The following DBF4 variants were observed in gnomAD, a reference collection of about 807,000 sequenced individuals.
DBF4 encodes the protein protein DBF4 homolog A.
DBF4 carries 25 observed loss-of-function variants against 76.6 expected under a neutral mutation model. The observed-to-expected ratio is 0.33, with a 90% confidence interval of 0.24 to 0.46. DBF4 has a LOEUF of 0.46. Among genes scored for constraint, DBF4 ranks in the 20% least tolerant of loss-of-function variants. DBF4 has a pLI of 1.00. For missense variants in DBF4, 638 were observed against 760.8 expected, an observed-to-expected ratio of 0.84 and a Z score of 1.90; for synonymous variants, 213 against 258.0, an observed-to-expected ratio of 0.83 and a Z score of 1.67.
At chr7:87,886,132 A>G (rs376327711) in intron 3 of DBF4, among the ~76,000 whole-genome samples, 1 of 152,222 alleles carries the variant, frequency 6.6e-6, no homozygotes, top group Non-Finnish European at 1.5e-5. Context: ...AGGACCATGC[A>G]TTCTCTGAGT....
intron 6 of DBF4, among the ~76,000 whole-genome samples, chr7:87,888,657 A>G (rs1839418372): frequency 6.6e-6 from 1 of 152,140 alleles, no homozygotes; most frequent in Non-Finnish European, 1.5e-5. Context: ...CTACCTACCT[A>G]TTATCTAATC....
intron 3 of DBF4, among the ~76,000 whole-genome samples, chr7:87,885,898 G>A (rs1261915949): frequency 6.6e-6 from 1 of 152,212 alleles, no homozygotes; most frequent in Admixed American, 6.5e-5. Flanking sequence ...TTAATTGGGT[G>A]TGAGGTGGGA....
intron 6 of DBF4, among the ~76,000 whole-genome samples, chr7:87,891,806 C>T (rs893209885): frequency 1.3e-5 from 2 of 151,850 alleles, no homozygotes; most frequent in African/African-American, 4.8e-5. Flanking sequence ...TTTCTTCTGC[C>T]TATTTTGGGT....
chr7:87,898,352 G>A (rs1839690632), intron 8 of DBF4, among the ~76,000 whole-genome samples: 1 of 152,126 alleles, frequency 6.6e-6, no homozygotes, highest in Non-Finnish European at 1.5e-5. Flanking sequence ...ATATTGTTAA[G>A]ATGTTAATAC....
chr7:87,896,946 A>G (rs983793117), intron 7 of DBF4, among the ~76,000 whole-genome samples: 3 of 152,246 alleles, frequency 2.0e-5, no homozygotes, highest in Non-Finnish European at 4.4e-5. Flanking sequence ...AGTCGCAGGT[A>G]CTGCGAATAG....
intron 3 of DBF4, 78 bp from the exon 4 acceptor site, chr7:87,886,766 C>A (rs1261590334): frequency 2.0e-5 from 18 of 906,700 alleles, no homozygotes; most frequent in Non-Finnish European, 3.1e-5. Flanking sequence ...CAAAAGTTCT[C>A]TTTTCTTAGC....
intron 6 of DBF4, among the ~76,000 whole-genome samples, chr7:87,893,673 A>AC (rs1839554029): frequency 1.3e-5 from 2 of 152,172 alleles, no homozygotes; most frequent in South Asian, 4.1e-4. Flanking sequence ...ATTAGTATTT[A>AC]CATAGTACTT....
chr7:87,903,482 T>G (rs1216933980), intron 10 of DBF4, among the ~76,000 whole-genome samples: 1 of 152,238 alleles, frequency 6.6e-6, no homozygotes, highest in African/African-American at 2.4e-5. Flanking sequence ...TGTTCTTCAA[T>G]TACGAATCTT....
intron 11 of DBF4, among the ~76,000 whole-genome samples, chr7:87,905,726 G>T (rs148021037): frequency 1.3e-5 from 2 of 152,178 alleles, no homozygotes; most frequent in Non-Finnish European, 2.9e-5. Context: ...ACAAGATACA[G>T]CTTCTGAAAA....
Position 87,888,381 on chromosome 7 carries a change from C to T in DBF4, c.597+322C>T, listed in dbSNP as rs557953491. ...AAACGTTCCTAATGTAAGTAATGTA[C>T]TTCTTTTTGGAATATAAATATGTAC... On this transcript the variant is annotated intron_variant, in intron 6 of 11. Transcript: ENST00000265728. 1.1e-5 allele frequency: 10 copies of T among 909,312 alleles called. No homozygotes were observed. In the South Asian group the frequency reaches 5.1e-4, roughly 46 times the overall value. The allele number at this position is 909,312 out of a possible 1,614,324, so 56.3% of individuals were successfully genotyped here.
intron 2 of DBF4, among the ~76,000 whole-genome samples, chr7:87,880,999 T>A (rs1839199083): frequency 6.6e-6 from 1 of 152,268 alleles, no homozygotes; most frequent in Non-Finnish European, 1.5e-5. Context: ...GTTTTGAGTT[T>A]ACTCTTTAAA....
At chr7:87,898,647 C>T (rs1253573405) in intron 8 of DBF4, among the ~76,000 whole-genome samples, 4 of 151,806 alleles carry the variant, frequency 2.6e-5, no homozygotes, top group Admixed American at 6.6e-5. Flanking sequence ...AAAAATTAGC[C>T]GGGCCTGGTG....
intron 7 of DBF4, among the ~76,000 whole-genome samples, chr7:87,896,960 G>C (rs1410890949): frequency 1.3e-5 from 2 of 152,198 alleles, no homozygotes; most frequent in East Asian, 3.8e-4. Flanking sequence ...CGAATAGTGT[G>C]ATTTGTTACA....
In DBF4 at chr7:87,903,780, C is replaced by T. The variant is rs549964010; in HGVS notation, c.925-512C>T. 1.1e-3 allele frequency among the ~76,000 whole-genome samples: 171 copies of T among 150,768 alleles called. 1 individual carries two copies. Among genetic ancestry groups the T allele is most frequent in the African/African-American group, 4.0e-3 (165 of 40,954 alleles). On this transcript the variant is annotated intron_variant, in intron 10 of 11. Coordinates refer to ENST00000265728, the MANE Select transcript of DBF4 (RefSeq NM_006716.4). ...TGCCATCTCTGCTCACTGCACCCTCCACCTCCTGGGTTCAAGTGATTCTTC... is the reference window on the plus strand; with the variant it reads ...TGCCATCTCTGCTCACTGCACCCTCTACCTCCTGGGTTCAAGTGATTCTTC...
chr7:87,907,886 G>T lies in DBF4; in HGVS notation c.1748G>T (p.Gly583Val), dbSNP rs965593027. 3 of 1,613,164 alleles carry T rather than the reference G, an allele frequency of 1.9e-6. No homozygotes were observed. In the African/African-American group the frequency reaches 4.0e-5, roughly 22 times the overall value. Residue 583 changes from glycine to valine, a missense_variant, in exon 12 of 12, where the codon GGA becomes GTA. Gly to Val is a moderately radical substitution (Grantham distance 109, BLOSUM62 -3). Transcript: ENST00000265728. Reference sequence around the variant, plus strand: ...CATCGAAAAGTGAAAATAATATTAGGACGAAATAGAAAAGAAAATCTGGAA... The same window carrying T: ...CATCGAAAAGTGAAAATAATATTAGTACGAAATAGAAAAGAAAATCTGGAA... ...KIHRKVKIIL[G>V]RNRKENLEPN...
chr7:87,883,449 AT>A (rs1839267014), intron 2 of DBF4, among the ~76,000 whole-genome samples: 1 of 152,192 alleles, frequency 6.6e-6, no homozygotes, highest in African/African-American at 2.4e-5. Flanking sequence ...ATAAAAGTGT[AT>A]AGGAGATCGG....
At chr7:87,898,716 G>A (rs965639377) in intron 8 of DBF4, among the ~76,000 whole-genome samples, 11 of 151,290 alleles carry the variant, frequency 7.3e-5, no homozygotes, top group African/African-American at 1.5e-4. Flanking sequence ...GCGTGAACCC[G>A]GGAGGCAGAG....
intron 10 of DBF4, among the ~76,000 whole-genome samples, chr7:87,903,199 C>T (rs1463778411): frequency 1.3e-5 from 2 of 152,244 alleles, no homozygotes; most frequent in Non-Finnish European, 2.9e-5. Context: ...TCTACTGCCT[C>T]AGCCTCTCTG....
chr7:87,890,079 A>T (rs1457876683), intron 6 of DBF4, among the ~76,000 whole-genome samples: 1 of 152,238 alleles, frequency 6.6e-6, no homozygotes, highest in East Asian at 1.9e-4. Context: ...GTCTGTCTTC[A>T]TGTATATGTG....
Sources: allele counts gnomAD v4.1 joint callset (sites outside exome capture counted in the v4.1 genomes callset), GRCh38; gene constraint gnomAD v4.1.1; transcripts MANE v1.5; gene names NCBI Gene and HGNC (gene_info 2026-07-23, HGNC 2026-07-21).